The following NXPE2 variants were observed in gnomAD, a reference collection of about 807,000 sequenced individuals.
NXPE2 encodes NXPE family member 2.
Under a neutral mutation model 34.4 loss-of-function variants are expected in NXPE2, and 34 were observed. That is an observed-to-expected ratio of 0.99 (90% CI 0.75 to 1.31). The LOEUF is 1.31. Among genes scored for constraint, NXPE2 ranks in the 40% most tolerant of loss-of-function variants. The probability of loss-of-function intolerance (pLI) is 0.00; values close to 1 mark genes in which losing one functional copy is unlikely to be tolerated. For synonymous variants in NXPE2, 235 were observed against 231.3 expected (o/e 1.02, Z -0.15); for missense variants, 649 against 672.5 (o/e 0.97, Z 0.39).
chr11:114,762,354 T>C, the NXPE2 span, among the ~76,000 whole-genome samples: 5,256 of 152,216 alleles, frequency 0.035, 127 homozygotes, highest in Non-Finnish European at 0.05. Context: ...GCCTGATATT[T>C]AGGAACATCC....
the NXPE2 span, among the ~76,000 whole-genome samples, chr11:114,806,669 C>T: frequency 1.2e-4 from 19 of 152,136 alleles, no homozygotes; most frequent in South Asian, 3.9e-3. Flanking sequence ...AGAACAAAGC[C>T]TCCAAGAAAT....
At chr11:114,631,080 T>C in the NXPE2 span, among the ~76,000 whole-genome samples, 1 of 151,958 alleles carries the variant, frequency 6.6e-6, no homozygotes, top group Admixed American at 6.6e-5. Flanking sequence ...TTGGTGGGAC[T>C]GTAAACTAGT....
chr11:114,808,753 C>T, the NXPE2 span, among the ~76,000 whole-genome samples: 488 of 152,252 alleles, frequency 3.2e-3, 1 homozygote, highest in African/African-American at 0.01. Context: ...CAGCCAAATT[C>T]TACCAGAGGT....
chr11:114,612,289 G>A, the NXPE2 span, among the ~76,000 whole-genome samples: 1 of 151,852 alleles, frequency 6.6e-6, no homozygotes, highest in South Asian at 2.1e-4. Flanking sequence ...TTACCCGTTG[G>A]ATAATAAGTA....
the NXPE2 span, among the ~76,000 whole-genome samples, chr11:114,575,009 TCATAC>T: frequency 2.0e-5 from 3 of 152,152 alleles, no homozygotes; most frequent in Non-Finnish European, 2.9e-5. Context: ...CAAGTGGGTT[TCATAC>T]CAGGGACGCA....
At chr11:114,522,625 T>C in the NXPE2 span, 1 of 840,104 alleles carries the variant, frequency 1.2e-6, no homozygotes, top group Non-Finnish European at 1.8e-6. Flanking sequence ...GCCTTTCTAC[T>C]CTCTAGGGTA....
chr11:114,750,099 C>T, the NXPE2 span, among the ~76,000 whole-genome samples: 1 of 152,188 alleles, frequency 6.6e-6, no homozygotes, highest in East Asian at 1.9e-4. Context: ...GTTCAATGCC[C>T]TCCACTGCAC....
At chr11:114,499,474 T>G in the NXPE2 span, among the ~76,000 whole-genome samples, 1 of 152,176 alleles carries the variant, frequency 6.6e-6, no homozygotes, top group Non-Finnish European at 1.5e-5. Context: ...CTTCTGAAAA[T>G]ATTTGTCTCC....
the NXPE2 span, among the ~76,000 whole-genome samples, chr11:114,484,604 G>A: frequency 5.0e-4 from 76 of 152,212 alleles, no homozygotes; most frequent in Admixed American, 8.5e-4. Context: ...AGAAATCCCC[G>A]TTATTCTCCT....
At chr11:114,516,916 A>G in the NXPE2 span, among the ~76,000 whole-genome samples, 1 of 152,118 alleles carries the variant, frequency 6.6e-6, no homozygotes, top group Non-Finnish European at 1.5e-5. Flanking sequence ...TGGGTGGCCC[A>G]TGTGTTCACC....
the NXPE2 span, among the ~76,000 whole-genome samples, chr11:114,506,305 C>T: frequency 3.9e-5 from 6 of 152,180 alleles, no homozygotes; most frequent in Non-Finnish European, 8.8e-5. Flanking sequence ...GCCCCACTGA[C>T]AGTATTAGAC....
the NXPE2 span, among the ~76,000 whole-genome samples, chr11:114,713,593 A>C: frequency 1.7e-4 from 24 of 144,186 alleles, no homozygotes; most frequent in African/African-American, 7.1e-4. Flanking sequence ...CATTTGATTG[A>C]AAAAAAGTCA....
chr11:114,473,761 G>A, the NXPE2 span, among the ~76,000 whole-genome samples: 1 of 152,188 alleles, frequency 6.6e-6, no homozygotes, highest in East Asian at 1.9e-4. Context: ...TGAGGAAATT[G>A]CCATTTAAAA....
chr11:114,602,261 A>G, the NXPE2 span, among the ~76,000 whole-genome samples: 2 of 118,338 alleles, frequency 1.7e-5, no homozygotes, highest in South Asian at 4.8e-4. Flanking sequence ...TATGTTATAT[A>G]TAATATATAT....
the NXPE2 span, among the ~76,000 whole-genome samples, chr11:114,474,720 A>C: frequency 6.6e-6 from 1 of 152,210 alleles, no homozygotes; most frequent in Non-Finnish European, 1.5e-5. Flanking sequence ...AACGGTATGT[A>C]ATATCTTTGA....
At chr11:114,580,178 A>G in the NXPE2 span, 27 of 1,613,954 alleles carry the variant, frequency 1.7e-5, no homozygotes, top group Non-Finnish European at 2.1e-5. Flanking sequence ...GGATCGTGGA[A>G]TCTCCCATTA....
At chr11:114,767,790 T>C in the NXPE2 span, among the ~76,000 whole-genome samples, 1 of 152,130 alleles carries the variant, frequency 6.6e-6, no homozygotes, top group Non-Finnish European at 1.5e-5. Flanking sequence ...CTCTTAAATC[T>C]CCTTACCTAT....
chr11:114,613,861 G>C, the NXPE2 span, among the ~76,000 whole-genome samples: 7,420 of 151,658 alleles, frequency 0.049, 608 homozygotes, highest in African/African-American at 0.17. Context: ...TTGCCTAATA[G>C]GTAACCACTT....
chr11:114,613,527 G>A, the NXPE2 span, among the ~76,000 whole-genome samples: 6 of 151,624 alleles, frequency 4.0e-5, no homozygotes, highest in Non-Finnish European at 5.9e-5. Context: ...TTGCTTCGTG[G>A]GTAATCACTG....
Sources: allele counts gnomAD v4.1 joint callset (sites outside exome capture counted in the v4.1 genomes callset), GRCh38; gene constraint gnomAD v4.1.1; transcripts MANE v1.5; gene names NCBI Gene and HGNC (gene_info 2026-07-23, HGNC 2026-07-21).